Variants in SDK1 observed in about 807,000 individuals in gnomAD.
The protein encoded by SDK1 is sidekick cell adhesion molecule 1.
SDK1 carries 157 observed loss-of-function variants against 245.5 expected under a neutral mutation model. That is an observed-to-expected ratio of 0.64 (90% CI 0.56 to 0.73). The LOEUF (loss-of-function observed/expected upper bound fraction) is 0.73. Among genes scored for constraint, SDK1 ranks in the 30% least tolerant of loss-of-function variants. The pLI is 0.00. For synonymous variants in SDK1, 1,647 were observed against 1,278.5 expected (o/e 1.29, Z -6.15); for missense variants, 3,583 against 3,002.3 (o/e 1.19, Z -4.52).
intron 35 of SDK1, among the ~76,000 whole-genome samples, chr7:4,180,940 C>G (rs934618308): frequency 1.3e-5 from 2 of 152,176 alleles, no homozygotes; most frequent in Admixed American, 6.5e-5. Context: ...ACATCCAGGC[C>G]ATATAAGTCT....
intron 1 of SDK1, among the ~76,000 whole-genome samples, chr7:3,498,649 G>C (rs948906834): frequency 2.6e-5 from 4 of 151,678 alleles, no homozygotes; most frequent in African/African-American, 9.7e-5. Context: ...CACAGACACA[G>C]TTGCTTAGTC....
chr7:3,632,569 G>A (rs1464917483), intron 2 of SDK1, among the ~76,000 whole-genome samples: 1 of 151,898 alleles, frequency 6.6e-6, no homozygotes, highest in Non-Finnish European at 1.5e-5. Context: ...TCCCACACAG[G>A]GACCTGTTTA....
chr7:3,507,602 A>G (rs1267079109), intron 1 of SDK1, among the ~76,000 whole-genome samples: 1 of 152,158 alleles, frequency 6.6e-6, no homozygotes, highest in East Asian at 1.9e-4. Context: ...TTTATAGTCC[A>G]TTAATGCAGA....
At chr7:3,589,187 G>A (rs944928550) in intron 1 of SDK1, among the ~76,000 whole-genome samples, 6 of 152,152 alleles carry the variant, frequency 3.9e-5, no homozygotes, top group African/African-American at 1.4e-4. Flanking sequence ...TTGGCGTGGA[G>A]CTTTTGACGT....
At chr7:4,191,136 T>C (rs1047726710) in intron 35 of SDK1, among the ~76,000 whole-genome samples, 34 of 152,120 alleles carry the variant, frequency 2.2e-4, no homozygotes, top group Non-Finnish European at 4.3e-4. Flanking sequence ...CCCCAGGGAC[T>C]CTGAGGTCCT....
At chr7:3,938,248 C>T (rs1198276136) in intron 5 of SDK1, among the ~76,000 whole-genome samples, 1 of 152,220 alleles carries the variant, frequency 6.6e-6, no homozygotes, top group Non-Finnish European at 1.5e-5. Flanking sequence ...CAAATACCCT[C>T]TTACCCCTTG....
In SDK1 at chr7:4,048,146, C is replaced by T. The variant is rs1357703972; in HGVS notation, c.2603-1202C>T. 5.3e-5 allele frequency among the ~76,000 whole-genome samples: 8 copies of T among 152,276 alleles called. No individual in the cohort carries two copies. In the East Asian group the frequency reaches 1.5e-3, roughly 29 times the overall value. ...AGAGTGTAGCGATTTTCACCAGGACCACATGGGATCCCGTGTGTTCCGGCC... is the reference window on the plus strand; with the variant it reads ...AGAGTGTAGCGATTTTCACCAGGACTACATGGGATCCCGTGTGTTCCGGCC... On this transcript the variant is annotated intron_variant, in intron 17 of 44. Transcript: ENST00000404826.
At chr7:3,955,062 C>T (rs552089677) in intron 7 of SDK1, among the ~76,000 whole-genome samples, 4 of 152,280 alleles carry the variant, frequency 2.6e-5, no homozygotes, top group Non-Finnish European at 5.9e-5. Flanking sequence ...GCCTTCTCCA[C>T]GGTCTCCTCA....
chr7:3,995,932 C>G (rs1239551676), intron 14 of SDK1, among the ~76,000 whole-genome samples: 1 of 151,804 alleles, frequency 6.6e-6, no homozygotes, highest in African/African-American at 2.4e-5. Context: ...GTAGTTAAAT[C>G]TATTGATGTT....
chr7:3,513,268 A>C (rs952210920), intron 1 of SDK1, among the ~76,000 whole-genome samples: 1 of 152,218 alleles, frequency 6.6e-6, no homozygotes, highest in South Asian at 2.1e-4. Flanking sequence ...AAGCCTAGAA[A>C]GATGGTAAAA....
chr7:3,779,532 G>A (rs1780662683), intron 4 of SDK1, among the ~76,000 whole-genome samples: 1 of 151,460 alleles, frequency 6.6e-6, no homozygotes, highest in South Asian at 2.1e-4. Flanking sequence ...TTGGAAAACC[G>A]TTTTCATATT....
At chr7:3,809,691 C>T (rs1305972070) in intron 4 of SDK1, among the ~76,000 whole-genome samples, 1 of 152,212 alleles carries the variant, frequency 6.6e-6, no homozygotes, top group Non-Finnish European at 1.5e-5. Flanking sequence ...GAGCCCTCTG[C>T]TTCCTAGCGG....
chr7:3,345,600 G>A (rs749497287), intron 1 of SDK1, among the ~76,000 whole-genome samples: 2 of 151,966 alleles, frequency 1.3e-5, no homozygotes, highest in Admixed American at 6.6e-5. Context: ...ATTTGAAGAT[G>A]GGAGTATAGT....
intron 4 of SDK1, among the ~76,000 whole-genome samples, chr7:3,677,168 A>G (rs1381722037): frequency 6.6e-6 from 1 of 152,018 alleles, no homozygotes; most frequent in East Asian, 1.9e-4. Flanking sequence ...CAACTCTCCC[A>G]CAGGGATTCT....
intron 1 of SDK1, among the ~76,000 whole-genome samples, chr7:3,579,032 T>A (rs1272681813): frequency 6.6e-6 from 1 of 151,946 alleles, no homozygotes; most frequent in African/African-American, 2.4e-5. Context: ...CAATTTATGT[T>A]CCTCTGCCGC....
intron 1 of SDK1, among the ~76,000 whole-genome samples, chr7:3,314,175 C>T (rs1296501491): frequency 1.3e-5 from 2 of 151,346 alleles, no homozygotes; most frequent in African/African-American, 2.5e-5. Flanking sequence ...TACATATAGG[C>T]AAGCCATGTT....
intron 5 of SDK1, among the ~76,000 whole-genome samples, chr7:3,833,377 T>A (rs1779957100): frequency 6.6e-6 from 1 of 152,188 alleles, no homozygotes; most frequent in Admixed American, 6.5e-5. Flanking sequence ...TCCAACAGGA[T>A]GTCACTCTGT....
intron 2 of SDK1, among the ~76,000 whole-genome samples, chr7:3,627,737 T>G (rs537197532): frequency 6.6e-6 from 1 of 152,174 alleles, no homozygotes; most frequent in Non-Finnish European, 1.5e-5. Flanking sequence ...ATTTTATTAG[T>G]TGAGAAGAAA....
chr7:3,476,688 G>T (rs111746544), intron 1 of SDK1, among the ~76,000 whole-genome samples: 3 of 152,286 alleles, frequency 2.0e-5, no homozygotes, highest in African/African-American at 4.8e-5. Flanking sequence ...TCACTTTGTA[G>T]TGAACTTTTC....
Sources: gnomAD v4.1 joint callset for allele counts (sites outside exome capture counted in the v4.1 genomes callset) on GRCh38, gnomAD v4.1.1 for gene constraint, MANE v1.5 for transcripts, NCBI Gene and HGNC (gene_info 2026-07-23, HGNC 2026-07-21) for gene names.